ADGRL3: variants seen among roughly 807,000 people sequenced by gnomAD.
The protein encoded by ADGRL3 is calcium-independent alpha-latrotoxin receptor 3.
ADGRL3 carries 62 observed loss-of-function variants against 153.5 expected under a neutral mutation model. The observed-to-expected ratio is 0.40, with a 90% CI of 0.33 to 0.50. ADGRL3 has a LOEUF of 0.50. ADGRL3 is among the 20% of genes least tolerant of loss of function. The pLI is 0.47. For synonymous variants in ADGRL3, 710 were observed against 672.5 expected, an observed-to-expected ratio of 1.06 and a Z score of -0.86; for missense variants, 1,641 against 1,859.4, an observed-to-expected ratio of 0.88 and a Z score of 2.16.
At chr4:61,830,999 G>T (rs891180992) in intron 9 of ADGRL3, among the ~76,000 whole-genome samples, 3 of 151,854 alleles carry the variant, frequency 2.0e-5, no homozygotes, top group African/African-American at 7.3e-5. Context: ...AGCAATCCTC[G>T]TGCCTCAGCC....
At chr4:61,449,431 G>C (rs545430904) in intron 2 of ADGRL3, among the ~76,000 whole-genome samples, 1 of 151,846 alleles carries the variant, frequency 6.6e-6, no homozygotes, top group Non-Finnish European at 1.5e-5. Context: ...CACCACGCCC[G>C]GCCTATTTTT....
intron 8 of ADGRL3, among the ~76,000 whole-genome samples, chr4:61,780,185 G>A (rs896220736): frequency 6.6e-6 from 1 of 152,194 alleles, no homozygotes; most frequent in African/African-American, 2.4e-5. Context: ...AAATGACCCT[G>A]TTTTGTGTCC....
chr4:61,686,448 T>A (rs2095445236), intron 6 of ADGRL3, among the ~76,000 whole-genome samples: 1 of 152,090 alleles, frequency 6.6e-6, no homozygotes, highest in Admixed American at 6.6e-5. Flanking sequence ...ACTAAAAAAA[T>A]TAAATAATTG....
At chr4:61,610,593 TA>T (rs2091198937) in intron 5 of ADGRL3, among the ~76,000 whole-genome samples, 1 of 152,192 alleles carries the variant, frequency 6.6e-6, no homozygotes, top group Admixed American at 6.6e-5. Context: ...TCTCAAAATA[TA>T]ATTTCATTGA....
At chr4:61,412,054 T>C (rs2097093964) in intron 2 of ADGRL3, among the ~76,000 whole-genome samples, 1 of 151,758 alleles carries the variant, frequency 6.6e-6, no homozygotes, top group Non-Finnish European at 1.5e-5. Flanking sequence ...CTAGGTGCTA[T>C]GGTTCTCTTG....
At chr4:61,953,088 A>T (rs904825957) in intron 17 of ADGRL3, among the ~76,000 whole-genome samples, 2 of 152,204 alleles carry the variant, frequency 1.3e-5, no homozygotes, top group Non-Finnish European at 2.9e-5. Flanking sequence ...AAGGAGACTG[A>T]TCATCTCTAG....
chr4:61,318,600 A>T lies in ADGRL3; in HGVS notation c.-239-64524A>T, dbSNP rs1208854065. 2.0e-5 allele frequency among the ~76,000 whole-genome samples: 3 copies of T among 152,200 alleles called. No individual in the cohort carries two copies. The East Asian group carries it at 5.8e-4, about 29-fold the overall frequency. The stretch of plus-strand genomic sequence containing the variant: ...ACACGCTGTCTGCTGAAGTCTTATC[A>T]CTCTGTGCTAGAGCCTTAACCCAGG... On this transcript the variant is annotated intron_variant, in intron 1 of 26. Coordinates refer to ENST00000683033, the MANE Select transcript of ADGRL3 (RefSeq NM_001387552.1).
intron 1 of ADGRL3, among the ~76,000 whole-genome samples, chr4:61,235,876 T>C (rs927512320): frequency 6.6e-6 from 1 of 152,174 alleles, no homozygotes; most frequent in African/African-American, 2.4e-5. Flanking sequence ...AGGTTATTTG[T>C]CATTGTAAAT....
At chr4:61,799,778 A>G (rs2097467079) in intron 8 of ADGRL3, among the ~76,000 whole-genome samples, 1 of 152,192 alleles carries the variant, frequency 6.6e-6, no homozygotes, top group African/African-American at 2.4e-5. Flanking sequence ...CAGAGGCAGC[A>G]ACTGTGAGAT....
chr4:61,592,092 T>G (rs905387176), intron 5 of ADGRL3, among the ~76,000 whole-genome samples: 2 of 114,114 alleles, frequency 1.8e-5, no homozygotes, highest in Non-Finnish European at 3.7e-5. Context: ...AAAAAAAAAA[T>G]AGAGAAAGAA....
chr4:61,268,148 A>C (rs953473857), intron 1 of ADGRL3, among the ~76,000 whole-genome samples: 4 of 151,626 alleles, frequency 2.6e-5, no homozygotes, highest in African/African-American at 9.7e-5. Context: ...ATGCATCTAA[A>C]TTACTAACTG....
intron 5 of ADGRL3, among the ~76,000 whole-genome samples, chr4:61,604,471 C>T (rs976849968): frequency 2.6e-5 from 4 of 152,084 alleles, no homozygotes; most frequent in East Asian, 1.9e-4. Flanking sequence ...ACGAATGAAT[C>T]GCATGTTAAA....
At chr4:61,278,540 G>A (rs2093586156) in intron 1 of ADGRL3, among the ~76,000 whole-genome samples, 1 of 152,028 alleles carries the variant, frequency 6.6e-6, no homozygotes, top group African/African-American at 2.4e-5. Context: ...GTCTCACTCT[G>A]TTGCTCAGGC....
chr4:61,269,548 A>T (rs546856189), intron 1 of ADGRL3, among the ~76,000 whole-genome samples: 1 of 151,490 alleles, frequency 6.6e-6, no homozygotes. Context: ...CTGATTTGTG[A>T]TTTTTTTGGA....
At chr4:61,346,308 T>TACAC (rs10693257) in intron 1 of ADGRL3, among the ~76,000 whole-genome samples, 25,546 of 144,446 alleles carry the variant, frequency 0.18, 2,328 homozygotes, top group African/African-American at 0.23. Flanking sequence ...TGTCACAGTC[T>TACAC]ACACACACAC....
chr4:61,443,625 GT>G (rs911744299), intron 2 of ADGRL3, among the ~76,000 whole-genome samples: 1 of 151,622 alleles, frequency 6.6e-6, no homozygotes, highest in African/African-American at 2.4e-5. Flanking sequence ...ATGTGTTTAT[GT>G]TTTTTTTATT....
chr4:61,744,468 T>A (rs113672460), intron 8 of ADGRL3, among the ~76,000 whole-genome samples: 1,753 of 152,032 alleles, frequency 0.012, 54 homozygotes, highest in African/African-American at 0.04. Context: ...CACCCCCCAG[T>A]AGGGGCAGAC....
chr4:61,275,443 A>T (rs1385905399), intron 1 of ADGRL3, among the ~76,000 whole-genome samples: 1 of 152,166 alleles, frequency 6.6e-6, no homozygotes, highest in Non-Finnish European at 1.5e-5. Context: ...TTTTCATAGG[A>T]TGTGCATACA....
intron 9 of ADGRL3, among the ~76,000 whole-genome samples, chr4:61,848,344 T>A (rs928602522): frequency 2.0e-5 from 3 of 151,148 alleles, no homozygotes; most frequent in Non-Finnish European, 4.4e-5. Flanking sequence ...TAGGGTAGGA[T>A]CCTTCTTTAC....
Sources: gnomAD v4.1 joint callset for allele counts (sites outside exome capture counted in the v4.1 genomes callset) on GRCh38, gnomAD v4.1.1 for gene constraint, MANE v1.5 for transcripts, NCBI Gene and HGNC (gene_info 2026-07-23, HGNC 2026-07-21) for gene names.